Variants in PTGIS observed in about 807,000 individuals in gnomAD.
The protein encoded by PTGIS is prostacyclin synthase.
A neutral mutation model predicts 50.3 loss-of-function variants in PTGIS; 45 were observed. That is an observed-to-expected ratio of 0.90 (90% CI 0.70 to 1.15). The LOEUF is 1.15. Among genes scored for constraint, PTGIS ranks in the 50% most tolerant of loss-of-function variants. The pLI is 0.00. For missense variants in PTGIS, 668 were observed against 661.3 expected (o/e 1.01, Z -0.11); for synonymous variants, 260 against 267.7 (o/e 0.97, Z 0.28).
intron 6 of PTGIS, among the ~76,000 whole-genome samples, chr20:49,518,131 C>T (rs1788897570): frequency 6.6e-6 from 1 of 152,174 alleles, no homozygotes; most frequent in African/African-American, 2.4e-5. Context: ...AGAAGGGAGA[C>T]CTGAGGGATG....
At chr20:49,527,834 TA>T (rs1267862402) in intron 5 of PTGIS, among the ~76,000 whole-genome samples, 1 of 152,148 alleles carries the variant, frequency 6.6e-6, no homozygotes, top group East Asian at 1.9e-4. Context: ...TAGTGTTGTA[TA>T]ACAAAGAATT....
chr20:49,539,814 G>T, intron 4 of PTGIS, 93 bp from the exon 5 acceptor site: 1 of 1,477,740 alleles, frequency 6.8e-7, no homozygotes, highest in Non-Finnish European at 9.2e-7. Flanking sequence ...CACCCAGTGA[G>T]CAACTACTAA....
At chr20:49,552,402 G>A (rs369523846) in intron 1 of PTGIS, among the ~76,000 whole-genome samples, 44 of 152,236 alleles carry the variant, frequency 2.9e-4, no homozygotes, top group African/African-American at 1.0e-3. Context: ...TCTAAATAAA[G>A]TTTGTCTCCT....
Position 49,565,638 on chromosome 20 carries a change from T to C in PTGIS, c.74+2405A>G, listed in dbSNP as rs181986154. On this transcript the variant is annotated intron_variant, in intron 1 of 9. Coordinates refer to ENST00000244043, the MANE Select transcript of PTGIS (RefSeq NM_000961.4). The stretch of plus-strand genomic sequence containing the variant: ...TATAATTGTACACTGCACTCCAGCC[T>C]GGGCCACAGTGTGAGATCCTATCAC... 1.8e-4 allele frequency among the ~76,000 whole-genome samples: 28 copies of C among 152,314 alleles called. No homozygotes were observed. In the East Asian group the frequency reaches 4.6e-3, roughly 25 times the overall value.
chr20:49,533,432 C>A (rs887989442), intron 5 of PTGIS, among the ~76,000 whole-genome samples: 1 of 152,148 alleles, frequency 6.6e-6, no homozygotes, highest in Admixed American at 6.5e-5. Context: ...GCCCCCAACT[C>A]CCTACTGTAT....
At position 49,507,544 on chromosome 20, in the gene PTGIS, G is replaced by T; in HGVS notation, c.*376C>A. 1 of 365,418 alleles carries T rather than the reference G, an allele frequency of 2.7e-6. No homozygotes were observed. Among genetic ancestry groups the T allele is most frequent in the Non-Finnish European group, 5.3e-6 (1 of 188,816 alleles). 22.6% of individuals were successfully genotyped at this position (365,418 alleles called of 1,614,324 possible). A position where few individuals can be genotyped will look rare whatever the true frequency, so the allele number is the denominator to read the frequency against. On this transcript the variant is annotated 3_prime_UTR_variant, in exon 10 of 10. Transcript: ENST00000244043. The stretch of plus-strand genomic sequence containing the variant: ...TTTGACTGGATAAGGCCCGGGCCAT[G>T]CTAGCTCATAAGAACTAGGAAGGTG...
chr20:49,510,036 G>A (rs1299337742), intron 9 of PTGIS, among the ~76,000 whole-genome samples: 2 of 151,488 alleles, frequency 1.3e-5, no homozygotes, highest in Non-Finnish European at 2.9e-5. Context: ...TTACAGGCAC[G>A]CTCCACCACA....
chr20:49,563,424 T>C (rs934113390), intron 1 of PTGIS, among the ~76,000 whole-genome samples: 27 of 152,350 alleles, frequency 1.8e-4, no homozygotes, highest in African/African-American at 6.3e-4. Flanking sequence ...CACAGAATTA[T>C]TTCTCAACAC....
At chr20:49,538,798 C>G (rs1365051675) in intron 5 of PTGIS, among the ~76,000 whole-genome samples, 1 of 152,054 alleles carries the variant, frequency 6.6e-6, no homozygotes, top group African/African-American at 2.4e-5. Flanking sequence ...TATTCTGCCT[C>G]AGCTTCCCGA....
chr20:49,543,927 A>C (rs1382301287), intron 4 of PTGIS, among the ~76,000 whole-genome samples: 1 of 152,202 alleles, frequency 6.6e-6, no homozygotes, highest in Non-Finnish European at 1.5e-5. Context: ...TGCAGTTTTT[A>C]ACATACATTT....
rs142473357 is a variant in PTGIS, at chr20:49,538,137, C to G, written c.673+1433G>C. 3.4e-4 allele frequency among the ~76,000 whole-genome samples: 52 copies of G among 151,328 alleles called. 2 individuals are homozygous for G. The highest frequency in any genetic ancestry group is 1.3e-3 in the African/African-American group (52 of 41,146). ...AAGCCTAGTGGCATATGCCTGTAGT[C>G]CCAGCTACTCAAGAAGCTGAGGGGG... On this transcript the variant is annotated intron_variant, in intron 5 of 9. Transcript: ENST00000244043.
At chr20:49,533,983 A>G (rs1982003039) in intron 5 of PTGIS, among the ~76,000 whole-genome samples, 1 of 151,950 alleles carries the variant, frequency 6.6e-6, no homozygotes, top group Non-Finnish European at 1.5e-5. Flanking sequence ...ATATATATAT[A>G]TATATAAAAT....
Position 49,505,483 on chromosome 20 carries a change from G to A in PTGIS, c.*2437C>T, listed in dbSNP as rs984878648. ...AATTCACTAATGACTGTGGTTCCAA[G>A]GAGGTGCGACCTTTAAAGGGAATTG... On this transcript the variant is annotated 3_prime_UTR_variant, in exon 10 of 10. Coordinates refer to ENST00000244043, the MANE Select transcript of PTGIS (RefSeq NM_000961.4). The A allele has an allele frequency of 6.6e-6, 1 of 152,440 alleles. No homozygotes were observed. The highest frequency in any genetic ancestry group is 6.5e-5 in the Admixed American group (1 of 15,282). 9.4% of individuals were successfully genotyped at this position (152,440 alleles called of 1,614,324 possible). A position where few individuals can be genotyped will look rare whatever the true frequency, so the allele number is the denominator to read the frequency against.
intron 1 of PTGIS, among the ~76,000 whole-genome samples, chr20:49,562,359 T>C (rs1396531464): frequency 6.6e-6 from 1 of 152,220 alleles, no homozygotes; most frequent in African/African-American, 2.4e-5. Flanking sequence ...TCCTGGCAGC[T>C]TTCCTCTTTC....
chr20:49,560,799 G>A (rs992676775), intron 1 of PTGIS, among the ~76,000 whole-genome samples: 3 of 152,196 alleles, frequency 2.0e-5, no homozygotes, highest in Non-Finnish European at 2.9e-5. Flanking sequence ...ATGTGGGGAC[G>A]AGACGTAGGC....
In PTGIS at chr20:49,520,404, G is replaced by A. The variant is rs150136782; in HGVS notation, c.855+3654C>T. 8.8e-3 allele frequency among the ~76,000 whole-genome samples: 1,340 copies of A among 151,698 alleles called. 23 individuals are homozygous for A. Among genetic ancestry groups the A allele is most frequent in the African/African-American group, 0.031 (1,275 of 41,320 alleles). On this transcript the variant is annotated intron_variant, in intron 6 of 9. Transcript: ENST00000244043. ...GCTGGAGTGCAGTGGTGCCATCTCG[G>A]CTCACTGCAACCTCCACCTCCCGGG...
chr20:49,534,508 T>G (rs1982022933), intron 5 of PTGIS, among the ~76,000 whole-genome samples: 1 of 152,090 alleles, frequency 6.6e-6, no homozygotes, highest in South Asian at 2.1e-4. Context: ...CTGCGTCTAA[T>G]CAGACTCCTC....
In PTGIS at chr20:49,524,253, G is replaced by A. The variant is rs45440898; in HGVS notation, c.674-14C>T. 1.2e-5 allele frequency: 19 copies of A among 1,613,448 alleles called. No homozygotes were observed. The highest frequency in any genetic ancestry group is 1.7e-5 in the Admixed American group (1 of 60,004). On this transcript the variant is annotated splice_polypyrimidine_tract_variant and intron_variant, in intron 5 of 9. Coordinates refer to ENST00000244043, the MANE Select transcript of PTGIS (RefSeq NM_000961.4). Reference sequence around the variant, plus strand: ...GGTCCTTGTCCCCTGCAGGGACAGAGCACAGAGAGTAGGGGTTACAGATTC... The same window carrying A: ...GGTCCTTGTCCCCTGCAGGGACAGAACACAGAGAGTAGGGGTTACAGATTC...
chr20:49,523,480 A>C (rs1197023646), intron 6 of PTGIS, among the ~76,000 whole-genome samples: 1 of 152,102 alleles, frequency 6.6e-6, no homozygotes, highest in Non-Finnish European at 1.5e-5. Context: ...CCAAATTAAA[A>C]AAAAACAAAA....
Sources: allele counts gnomAD v4.1 joint callset (sites outside exome capture counted in the v4.1 genomes callset), GRCh38; gene constraint gnomAD v4.1.1; transcripts MANE v1.5; gene names NCBI Gene and HGNC (gene_info 2026-07-23, HGNC 2026-07-21).